Variants in NTNG1 observed in about 807,000 individuals in gnomAD.
NTNG1 encodes netrin G1, also known as netrin-G1.
NTNG1 carries 16 observed loss-of-function variants against 54.0 expected under a neutral mutation model. The observed-to-expected ratio is 0.30, with a 90% confidence interval of 0.20 to 0.45. NTNG1 has a LOEUF of 0.45. Among genes scored for constraint, NTNG1 ranks in the 20% least tolerant of loss-of-function variants. The pLI is 1.00. For missense variants in NTNG1, 530 were observed against 678.7 expected (o/e 0.78, Z 2.43); for synonymous variants, 255 against 263.1 (o/e 0.97, Z 0.30).
At chr1:107,450,087 A>G (rs555626926) in intron 7 of NTNG1, among the ~76,000 whole-genome samples, 8 of 152,230 alleles carry the variant, frequency 5.3e-5, no homozygotes, top group African/African-American at 1.9e-4. Context: ...ATGTTTTTAA[A>G]AGTGAATAGA....
intron 2 of NTNG1, among the ~76,000 whole-genome samples, chr1:107,221,356 CAAGCAAACACCTGCAAGGCA>C (rs1660331205): frequency 6.6e-6 from 1 of 152,262 alleles, no homozygotes; most frequent in Admixed American, 6.5e-5. Flanking sequence ...TAAAAAGAAA[CAAGCAAACACCTGCAAGGCA>C]AAGCTGATCA....
chr1:107,201,906 A>T (rs1557804755), intron 2 of NTNG1, among the ~76,000 whole-genome samples: 1 of 151,858 alleles, frequency 6.6e-6, no homozygotes, highest in Non-Finnish European at 1.5e-5. Context: ...CCATGAAATG[A>T]TCCTTCACAT....
At chr1:107,212,821 C>T (rs1235221271) in intron 2 of NTNG1, among the ~76,000 whole-genome samples, 1 of 151,958 alleles carries the variant, frequency 6.6e-6, no homozygotes, top group South Asian at 2.1e-4. Context: ...GAAACTATCG[C>T]GTATTGAGCT....
At chr1:107,218,623 T>G (rs1027896098) in intron 2 of NTNG1, among the ~76,000 whole-genome samples, 1 of 152,172 alleles carries the variant, frequency 6.6e-6, no homozygotes, top group Admixed American at 6.5e-5. Flanking sequence ...TAGAGCTCCT[T>G]TTAGAAGTTC....
chr1:107,294,724 T>C (rs1428382275), intron 2 of NTNG1, among the ~76,000 whole-genome samples: 1 of 152,170 alleles, frequency 6.6e-6, no homozygotes, highest in East Asian at 1.9e-4. Context: ...GTAGCTTTGC[T>C]TTACAGAGAT....
chr1:107,455,348 G>A (rs1676884288), intron 7 of NTNG1, among the ~76,000 whole-genome samples: 1 of 152,186 alleles, frequency 6.6e-6, no homozygotes, highest in African/African-American at 2.4e-5. Flanking sequence ...ACAGGCGTGA[G>A]CCACCACGCC....
chr1:107,402,997 G>A (rs1431345953), intron 4 of NTNG1, among the ~76,000 whole-genome samples: 1 of 152,082 alleles, frequency 6.6e-6, no homozygotes, highest in Admixed American at 6.6e-5. Context: ...AGGAGTTATG[G>A]CACTGTATTA....
chr1:107,305,261 A>G (rs563532010), intron 2 of NTNG1, among the ~76,000 whole-genome samples: 89 of 152,274 alleles, frequency 5.8e-4, no homozygotes, highest in African/African-American at 2.0e-3. Context: ...CAGTAATGGG[A>G]TGGCTGGGTC....
chr1:107,272,945 A>G (rs1570554530), intron 2 of NTNG1, among the ~76,000 whole-genome samples: 2 of 152,240 alleles, frequency 1.3e-5, no homozygotes, highest in Non-Finnish European at 1.5e-5. Context: ...CTAAAGCATC[A>G]TAAATACTTA....
Position 107,258,009 on chromosome 1 carries a change from G to A in NTNG1, c.247-66273G>A, listed in dbSNP as rs1403569241. 5.9e-5 allele frequency among the ~76,000 whole-genome samples: 9 copies of A among 152,200 alleles called. No homozygotes were observed. The East Asian group carries it at 1.5e-3, about 26-fold the overall frequency. ...TAGGACATCATCGGTGATAATAGGAGCTCCTTTCCCATTTTAAAATTTTGG... is the reference window on the plus strand; with the variant it reads ...TAGGACATCATCGGTGATAATAGGAACTCCTTTCCCATTTTAAAATTTTGG... On this transcript the variant is annotated intron_variant, in intron 2 of 7. Coordinates refer to ENST00000370068, the MANE Select transcript of NTNG1 (RefSeq NM_001113226.3).
chr1:107,265,446 G>A (rs974968790), intron 2 of NTNG1, among the ~76,000 whole-genome samples: 1 of 152,166 alleles, frequency 6.6e-6, no homozygotes, highest in African/African-American at 2.4e-5. Context: ...TGCTGAAAGG[G>A]AGTCAACTAA....
At chr1:107,383,250 T>C (rs1413420734) in intron 3 of NTNG1, among the ~76,000 whole-genome samples, 1 of 152,210 alleles carries the variant, frequency 6.6e-6, no homozygotes, top group Non-Finnish European at 1.5e-5. Context: ...TGGAGTCAGA[T>C]GGCTCACAGC....
At chr1:107,368,445 A>G (rs1670727187) in intron 3 of NTNG1, among the ~76,000 whole-genome samples, 1 of 152,178 alleles carries the variant, frequency 6.6e-6, no homozygotes, top group Non-Finnish European at 1.5e-5. Context: ...AGGGAAACTG[A>G]GAAGGAGAGA....
chr1:107,176,182 C>T (rs1249746939), intron 2 of NTNG1, among the ~76,000 whole-genome samples: 1 of 152,030 alleles, frequency 6.6e-6, no homozygotes, highest in African/African-American at 2.4e-5. Context: ...AGAATAACAC[C>T]ATGGTAGGAG....
intron 2 of NTNG1, among the ~76,000 whole-genome samples, chr1:107,282,441 C>T (rs183383180): frequency 1.3e-5 from 2 of 152,136 alleles, no homozygotes; most frequent in Admixed American, 1.3e-4. Context: ...ATGAGGCCCT[C>T]CAGAATTTAA....
intron 7 of NTNG1, among the ~76,000 whole-genome samples, chr1:107,473,712 G>A (rs1337062302): frequency 1.3e-5 from 2 of 152,216 alleles, no homozygotes; most frequent in Non-Finnish European, 2.9e-5. Context: ...CTTTCACTGT[G>A]GAAATTCTAA....
At chr1:107,298,473 T>C (rs1002627882) in intron 2 of NTNG1, among the ~76,000 whole-genome samples, 1 of 152,176 alleles carries the variant, frequency 6.6e-6, no homozygotes, top group Admixed American at 6.6e-5. Flanking sequence ...ATAGGTAACA[T>C]AGCAGAGAAT....
At chr1:107,350,577 T>A (rs1669541495) in intron 3 of NTNG1, among the ~76,000 whole-genome samples, 1 of 152,196 alleles carries the variant, frequency 6.6e-6, no homozygotes, top group African/African-American at 2.4e-5. Flanking sequence ...ATTGCAAAGA[T>A]GTGGAATCAC....
At chr1:107,266,857 C>A (rs60258647) in intron 2 of NTNG1, among the ~76,000 whole-genome samples, 2,239 of 152,184 alleles carry the variant, frequency 0.015, 54 homozygotes, top group African/African-American at 0.051. Context: ...ACTCCCTGAA[C>A]ATGTTCAGTG....
Sources: allele counts gnomAD v4.1 joint callset (sites outside exome capture counted in the v4.1 genomes callset), GRCh38; gene constraint gnomAD v4.1.1; transcripts MANE v1.5; gene names NCBI Gene and HGNC (gene_info 2026-07-23, HGNC 2026-07-21).